Variants in SEC14L4 observed in about 807,000 individuals in gnomAD.
The protein encoded by SEC14L4 is SEC14-like protein 4.
Under a neutral mutation model 55.1 loss-of-function variants are expected in SEC14L4, and 42 were observed. The observed-to-expected ratio is 0.76, with a 90% CI of 0.60 to 0.99. The LOEUF is 0.99. Ranked by LOEUF, SEC14L4 falls within the 50% of genes least tolerant of loss-of-function variation. The pLI is 0.00. For missense variants in SEC14L4, 445 were observed against 512.1 expected, an observed-to-expected ratio of 0.87 and a Z score of 1.27; for synonymous variants, 206 against 206.8, an observed-to-expected ratio of 1.00 and a Z score of 0.03.
Position 30,493,421 on chromosome 22 carries a change from A to G in SEC14L4, c.580+729T>C, listed in dbSNP as rs533554038. Among the ~76,000 whole-genome samples the G allele has an allele frequency of 4.5e-4, 69 of 152,294 alleles. 1 individual carries two copies. The highest frequency in any genetic ancestry group is 4.2e-3 in the Admixed American group (65 of 15,298). On this transcript the variant is annotated intron_variant, in intron 7 of 11. Transcript: ENST00000255858. ...CCCATCTTACATAATGGGAAAACTGAGGCTCAGTGAGGTTAAGTAGACTTG... is the reference window on the plus strand; with the variant it reads ...CCCATCTTACATAATGGGAAAACTGGGGCTCAGTGAGGTTAAGTAGACTTG...
intron 11 of SEC14L4, 88 bp downstream of exon 11, chr22:30,491,485 C>A: frequency 6.6e-7 from 1 of 1,516,320 alleles, no homozygotes; most frequent in African/African-American, 1.4e-5. Context: ...TACAGAGATC[C>A]CCCCACCCTC....
rs373815236 is a variant in SEC14L4, at chr22:30,505,540, G to A, written c.54+18C>T. ...TCAGGGCCCCTCCTCAAGCCTCCCA[G>A]CCCGCGATGCTCCTCACCCTGGCCA... is the stretch of plus-strand genomic sequence containing the variant. On this transcript the variant is annotated intron_variant, in intron 1 of 11. Transcript: ENST00000255858. 4.0e-5 allele frequency: 62 copies of A among 1,558,412 alleles called. No homozygotes were observed. In the African/African-American group the frequency reaches 7.9e-4, roughly 20 times the overall value.
At chr22:30,504,201 G>A (rs1208718949) in intron 1 of SEC14L4, among the ~76,000 whole-genome samples, 1 of 151,892 alleles carries the variant, frequency 6.6e-6, no homozygotes, top group Admixed American at 6.6e-5. Context: ...GGGACCACAG[G>A]CACACAAGAT....
In SEC14L4 at chr22:30,492,371, G is replaced by A. The variant is rs914480632; in HGVS notation, c.664+103C>T. 9 of 1,219,812 alleles carry A rather than the reference G, an allele frequency of 7.4e-6. No homozygotes were observed. The African/African-American group carries it at 7.4e-5, about 10-fold the overall frequency. 75.6% of individuals were successfully genotyped at this position (1,219,812 alleles called of 1,614,324 possible). ...TGGAGGCTCACCAGGGTCAGGCCAGGGGTAGTGCCCGAGTAGAGGACGAGC... is the reference window on the plus strand; with the variant it reads ...TGGAGGCTCACCAGGGTCAGGCCAGAGGTAGTGCCCGAGTAGAGGACGAGC... On this transcript the variant is annotated intron_variant, in intron 8 of 11. Transcript: ENST00000255858.
At chr22:30,494,731 C>G in intron 6 of SEC14L4, 135 bp downstream of exon 6, 1 of 641,076 alleles carries the variant, frequency 1.6e-6, no homozygotes, top group Non-Finnish European at 2.8e-6. Flanking sequence ...AGGCCAGCAT[C>G]ATTGGCTGGT....
intron 2 of SEC14L4, among the ~76,000 whole-genome samples, chr22:30,500,228 G>A (rs889607582): frequency 3.9e-5 from 6 of 152,076 alleles, no homozygotes; most frequent in Non-Finnish European, 8.8e-5. Flanking sequence ...CTGAGTTTTG[G>A]GGGAGGGGAA....
Position 30,495,556 on chromosome 22 carries a change from G to T in SEC14L4, c.234+27C>A, listed in dbSNP as rs748426486. The T allele has an allele frequency of 6.2e-6, 10 of 1,613,192 alleles. 2 individuals carry two copies. The South Asian group carries it at 9.9e-5, about 16-fold the overall frequency. The stretch of plus-strand genomic sequence containing the variant: ...TGTCAGGGGTGAGGGGCCTCAGATG[G>T]CCTGGGGGATGCTGCTCGAGGCTCA... On this transcript the variant is annotated intron_variant, in intron 4 of 11. Transcript: ENST00000255858.
Position 30,489,045 on chromosome 22 carries a change from G to A in SEC14L4, c.*1062C>T, listed in dbSNP as rs1935869562. The A allele has an allele frequency of 6.6e-6, 1 of 152,396 alleles. No individual in the cohort carries two copies. The highest frequency in any genetic ancestry group is 6.5e-5 in the Admixed American group (1 of 15,296). The allele number at this position is 152,396 out of a possible 1,614,324, so 9.4% of individuals were successfully genotyped here. On this transcript the variant is annotated 3_prime_UTR_variant, in exon 12 of 12. Transcript: ENST00000255858. ...CTCTACGTATATGCACCCATGAATG[G>A]TGCAGCTGCCAAGAGAACCAAAGCT...
intron 7 of SEC14L4, 133 bp downstream of exon 7, chr22:30,494,017 C>T: frequency 2.9e-6 from 2 of 694,690 alleles, no homozygotes; most frequent in East Asian, 2.7e-5. Context: ...AACTAACTAA[C>T]CAGAAACCAA....
At position 30,492,505 on chromosome 22, in the gene SEC14L4, C is replaced by G. The variant is rs61744139; in HGVS notation, c.633G>C (p.Glu211Asp). 30,967 of 1,613,974 alleles carry G rather than the reference C, an allele frequency of 0.019. 471 individuals are homozygous for G. Among genetic ancestry groups the G allele is most frequent in the Middle Eastern group, 0.058 (349 of 6,062 alleles). The change falls in exon 8 of 12, where the codon GAG (glutamate) becomes GAC (aspartate). Residue 211 changes from glutamate (E) to aspartate (D), a missense_variant. Glu to Asp is a conservative substitution (Grantham distance 45, BLOSUM62 2). Coordinates refer to ENST00000255858, the MANE Select transcript of SEC14L4 (RefSeq NM_174977.4). Reference protein sequence around the residue: ...AFNLVKSFMSEETRRKIVILG... With the variant: ...AFNLVKSFMSDETRRKIVILG... Reference sequence around the variant, plus strand: ...GAATCACAATCTTCCTGCGTGTCTCCTCACTCATGAACGACTTGACCAAGT... The same window carrying G: ...GAATCACAATCTTCCTGCGTGTCTCGTCACTCATGAACGACTTGACCAAGT...
intron 2 of SEC14L4, among the ~76,000 whole-genome samples, chr22:30,501,123 C>T (rs1936307533): frequency 6.6e-6 from 1 of 151,960 alleles, no homozygotes; most frequent in Non-Finnish European, 1.5e-5. Flanking sequence ...AGCATGAGGC[C>T]CGGGAGAGGG....
chr22:30,493,735 G>T (rs1294939411), intron 7 of SEC14L4, among the ~76,000 whole-genome samples: 1 of 152,204 alleles, frequency 6.6e-6, no homozygotes, highest in Non-Finnish European at 1.5e-5. Flanking sequence ...CGGGTGCGGT[G>T]GCTCACATCT....
At chr22:30,498,947 A>G (rs1171101130) in intron 2 of SEC14L4, among the ~76,000 whole-genome samples, 1 of 151,204 alleles carries the variant, frequency 6.6e-6, no homozygotes, top group African/African-American at 2.4e-5. Context: ...TATTATTATT[A>G]TTATTATTTT....
chr22:30,492,317 T>C, intron 8 of SEC14L4, 157 bp downstream of exon 8: 1 of 1,162,206 alleles, frequency 8.6e-7, no homozygotes, highest in Non-Finnish European at 1.3e-6. Context: ...CAGCCCACGG[T>C]CTAGGACCCA....
chr22:30,492,238 C>T (rs899537174), intron 8 of SEC14L4, 83 bp from the exon 9 acceptor site: 4 of 1,505,352 alleles, frequency 2.7e-6, no homozygotes, highest in Non-Finnish European at 3.6e-6. Flanking sequence ...GTGAGGGAAC[C>T]TGATATGTCC....
At chr22:30,499,118 T>G (rs968510427) in intron 2 of SEC14L4, among the ~76,000 whole-genome samples, 1 of 152,058 alleles carries the variant, frequency 6.6e-6, no homozygotes, top group Non-Finnish European at 1.5e-5. Context: ...TTTTTTTTTG[T>G]ATTTTTACTA....
At chr22:30,503,796 T>G (rs767831351) in intron 1 of SEC14L4, 44 bp from the exon 2 acceptor site, 1 of 1,555,198 alleles carries the variant, frequency 6.4e-7, no homozygotes, top group Non-Finnish European at 8.8e-7. Flanking sequence ...TCTCATGACC[T>G]CGGGGGCCAC....
intron 11 of SEC14L4, among the ~76,000 whole-genome samples, chr22:30,490,516 C>T (rs1382538582): frequency 6.6e-6 from 1 of 152,196 alleles, no homozygotes; most frequent in East Asian, 1.9e-4. Context: ...GCATATAGAA[C>T]AGCACACAGC....
chr22:30,496,357 C>T (rs1157635444), intron 2 of SEC14L4, among the ~76,000 whole-genome samples: 1 of 152,024 alleles, frequency 6.6e-6, no homozygotes, highest in East Asian at 1.9e-4. Context: ...CTCCTGGCCT[C>T]AAGCAGTCCT....
Sources: allele counts gnomAD v4.1 joint callset (sites outside exome capture counted in the v4.1 genomes callset), GRCh38; gene constraint gnomAD v4.1.1; transcripts MANE v1.5; gene names NCBI Gene and HGNC (gene_info 2026-07-23, HGNC 2026-07-21).